The following RANBP3L variants were observed in gnomAD, a reference collection of about 807,000 sequenced individuals.
RANBP3L encodes RAN binding protein 3 like, also known as ran-binding protein 3-like.
A neutral mutation model predicts 67.2 loss-of-function variants in RANBP3L; 56 were observed. The observed-to-expected ratio is 0.83, with a 90% CI of 0.67 to 1.04. The LOEUF (loss-of-function observed/expected upper bound fraction) is 1.04, where lower values mean the gene tolerates loss of function less well. Ranked by LOEUF, RANBP3L falls within the 50% of genes least tolerant of loss-of-function variation. RANBP3L has a pLI of 0.00. For synonymous variants in RANBP3L, 164 were observed against 181.4 expected, an observed-to-expected ratio of 0.90 and a Z score of 0.77; for missense variants, 496 against 535.5, an observed-to-expected ratio of 0.93 and a Z score of 0.73.
chr5:36,253,920 A>G (rs2111639539), intron 11 of RANBP3L, 131 bp from the exon 12 acceptor site: 1 of 782,444 alleles, frequency 1.3e-6, no homozygotes. Context: ...TGATTTGACT[A>G]GATTAAAACT....
At chr5:36,261,916 C>G in intron 7 of RANBP3L, 23 bp downstream of exon 7, 5 of 1,073,856 alleles carry the variant, frequency 4.7e-6, no homozygotes, top group South Asian at 1.5e-5. Context: ...AAGGACAACG[C>G]TTCTATTTTC....
At chr5:36,257,586 T>C in intron 8 of RANBP3L, 30 bp from the exon 9 acceptor site, 1 of 1,033,476 alleles carries the variant, frequency 9.7e-7, no homozygotes, top group Non-Finnish European at 1.4e-6. Flanking sequence ...CATTATTTTA[T>C]TTAATAAAAG....
chr5:36,265,977 CAAAA>C (rs10717173), intron 4 of RANBP3L, among the ~76,000 whole-genome samples: 1 of 76,082 alleles, frequency 1.3e-5, no homozygotes. Flanking sequence ...GACTCCATTT[CAAAA>C]AAAAAAAAAA....
chr5:36,257,657 G>A, intron 8 of RANBP3L, 101 bp from the exon 9 acceptor site: 1 of 499,366 alleles, frequency 2.0e-6, no homozygotes, highest in Non-Finnish European at 3.6e-6. Flanking sequence ...TTTCAACACA[G>A]CAAGCAAACC....
intron 13 of RANBP3L, among the ~76,000 whole-genome samples, 184 bp downstream of exon 13, chr5:36,251,129 G>A (rs967943058): frequency 2.6e-5 from 4 of 152,086 alleles, no homozygotes; most frequent in African/African-American, 9.7e-5. Flanking sequence ...TTGATAAAAT[G>A]AAGACCACTT....
At chr5:36,253,523 T>C in intron 12 of RANBP3L, 124 bp downstream of exon 12, 1 of 717,282 alleles carries the variant, frequency 1.4e-6, no homozygotes, top group Non-Finnish European at 2.3e-6. Context: ...TAAACAGACA[T>C]AATGAATGGC....
chr5:36,292,761 T>A (rs1240679157), intron 1 of RANBP3L, among the ~76,000 whole-genome samples: 2 of 152,090 alleles, frequency 1.3e-5, no homozygotes, highest in Non-Finnish European at 2.9e-5. Context: ...TTGATCTATA[T>A]CTCTGTTTTG....
chr5:36,299,365 G>GTA (rs372128206), intron 1 of RANBP3L, among the ~76,000 whole-genome samples: 2,662 of 148,068 alleles, frequency 0.018, 69 homozygotes, highest in South Asian at 0.096. Flanking sequence ...GTGTGTGTGT[G>GTA]TATATATCCT....
At chr5:36,268,941 A>G (rs1262130653) in intron 4 of RANBP3L, among the ~76,000 whole-genome samples, 1 of 152,052 alleles carries the variant, frequency 6.6e-6, no homozygotes, top group Non-Finnish European at 1.5e-5. Context: ...CAAACTCCAG[A>G]CCTCATGGTC....
rs573322389 is a variant in RANBP3L, at chr5:36,301,365, T to C, written c.52A>G (p.Thr18Ala). The C allele has an allele frequency of 5.6e-6, 9 of 1,613,774 alleles. No individual in the cohort carries two copies. Among genetic ancestry groups the C allele is most frequent in the Middle Eastern group, 1.7e-4 (1 of 6,050 alleles). ...TCCTCCTGCAGCTTCAGTTTACAGG[T>C]GTGCAAACTGCCAGGCAGGTGGCTG... is the stretch of plus-strand genomic sequence containing the variant. ...GSSHLPGSLH[T>A]CKLKLQEDRR... Residue 18 changes from threonine to alanine, a missense_variant, in exon 1 of 14, where the codon ACC becomes GCC. Physicochemically the swap from Thr to Ala is moderately conservative, Grantham distance 58. Transcript: ENST00000296604.
chr5:36,256,868 A>T (rs748439785), intron 10 of RANBP3L, 73 bp downstream of exon 10: 2 of 1,346,600 alleles, frequency 1.5e-6, no homozygotes, highest in Admixed American at 2.0e-5. Context: ...ATTTTTAAAG[A>T]TGCCTCTTCT....
intron 1 of RANBP3L, among the ~76,000 whole-genome samples, chr5:36,277,827 AAG>A (rs1265482924): frequency 6.6e-6 from 1 of 152,128 alleles, no homozygotes; most frequent in African/African-American, 2.4e-5. Context: ...TGTAAAGAAA[AAG>A]AGGTTTAATG....
chr5:36,301,556 C>T lies in RANBP3L; in HGVS notation c.-140G>A, dbSNP rs1561156600. On this transcript the variant is annotated 5_prime_UTR_variant, in exon 1 of 14. Transcript: ENST00000296604. ...GTCTTTGCATGTACAACATATACTC[C>T]TCTACTAAACTTCCAAGCTTTTTCC... The T allele has an allele frequency of 3.9e-6, 2 of 515,730 alleles. No individual in the cohort carries two copies. Among genetic ancestry groups the T allele is most frequent in the Non-Finnish European group, 7.0e-6 (2 of 287,280 alleles). 31.9% of individuals were successfully genotyped at this position (515,730 alleles called of 1,614,324 possible). A position where few individuals can be genotyped will look rare whatever the true frequency, so the allele number is the denominator to read the frequency against.
intron 1 of RANBP3L, among the ~76,000 whole-genome samples, chr5:36,277,657 C>T (rs565831704): frequency 2.0e-5 from 3 of 152,114 alleles, no homozygotes; most frequent in African/African-American, 7.2e-5. Context: ...CATACATAAA[C>T]ATAAACATGT....
At chr5:36,261,096 C>G (rs1749351642) in intron 7 of RANBP3L, among the ~76,000 whole-genome samples, 1 of 152,172 alleles carries the variant, frequency 6.6e-6, no homozygotes, top group Non-Finnish European at 1.5e-5. Context: ...CTGACTGCCT[C>G]ATGCCCATCA....
intron 1 of RANBP3L, among the ~76,000 whole-genome samples, chr5:36,289,662 A>G (rs191664445): frequency 1.6e-3 from 245 of 152,194 alleles, no homozygotes; most frequent in Non-Finnish European, 2.7e-3. Context: ...GTACTCTAAT[A>G]TTTTTAATTT....
At chr5:36,261,619 TAGAG>T (rs998963980) in intron 7 of RANBP3L, among the ~76,000 whole-genome samples, 5 of 152,214 alleles carry the variant, frequency 3.3e-5, no homozygotes, top group African/African-American at 9.6e-5. Flanking sequence ...AAAAAAATGC[TAGAG>T]AGAGAGGAAG....
intron 1 of RANBP3L, among the ~76,000 whole-genome samples, chr5:36,289,774 G>C (rs987130530): frequency 2.0e-5 from 3 of 150,274 alleles, no homozygotes; most frequent in African/African-American, 4.9e-5. Flanking sequence ...AGCATTTTTT[G>C]ATAGATTTCT....
intron 1 of RANBP3L, among the ~76,000 whole-genome samples, chr5:36,286,817 T>C (rs1421005098): frequency 6.6e-6 from 1 of 152,194 alleles, no homozygotes; most frequent in Non-Finnish European, 1.5e-5. Flanking sequence ...GCTCTTCCCC[T>C]AGATGTGGCA....
Sources: gnomAD v4.1 joint callset for allele counts (sites outside exome capture counted in the v4.1 genomes callset) on GRCh38, gnomAD v4.1.1 for gene constraint, MANE v1.5 for transcripts, NCBI Gene and HGNC (gene_info 2026-07-23, HGNC 2026-07-21) for gene names.